Variants in CIT observed in about 807,000 individuals in gnomAD.
CIT encodes the protein citron Rho-interacting kinase.
Under a neutral mutation model 272.7 loss-of-function variants are expected in CIT, and 79 were observed. The observed-to-expected ratio is 0.29, with a 90% CI of 0.24 to 0.35. CIT has a LOEUF of 0.35. CIT is among the 10% of genes least tolerant of loss of function. CIT has a pLI of 1.00. For missense variants in CIT, 1,909 were observed against 2,618.3 expected, an observed-to-expected ratio of 0.73 and a Z score of 5.91; for synonymous variants, 948 against 995.6, an observed-to-expected ratio of 0.95 and a Z score of 0.90.
chr12:119,718,417 G>A lies in CIT; in HGVS notation c.4004-8C>T. On this transcript the variant is annotated splice_polypyrimidine_tract_variant and splice_region_variant and intron_variant, in intron 31 of 47. Coordinates refer to ENST00000392521, the MANE Select transcript of CIT (RefSeq NM_001206999.2). The surrounding 1 kb of genome is among the most constrained non-coding windows in gnomAD (Gnocchi z 4.8). ...TTGCTTTGCGGTGGGCAGCTGCAGA[G>A]AGACCAGGACAATGCCTTTTGGTTA... 1 of 1,608,992 alleles carries A rather than the reference G, an allele frequency of 6.2e-7. No homozygotes were observed. Among genetic ancestry groups the A allele is most frequent in the Non-Finnish European group, 8.5e-7 (1 of 1,177,430 alleles).
intron 7 of CIT, among the ~76,000 whole-genome samples, chr12:119,825,923 T>A (rs1397784849): frequency 1.3e-5 from 2 of 151,938 alleles, no homozygotes; most frequent in East Asian, 3.9e-4. Context: ...CAAAAATTAG[T>A]CAGGTGTGGT....
intron 10 of CIT, among the ~76,000 whole-genome samples, chr12:119,787,012 C>A (rs1287263890): frequency 2.0e-5 from 3 of 152,094 alleles, no homozygotes; most frequent in Non-Finnish European, 4.4e-5. Flanking sequence ...CTCCGATGCC[C>A]AGGCTGGAGT....
chr12:119,691,171 CAAAAAAA>C (rs35222584), intron 46 of CIT, among the ~76,000 whole-genome samples: 1 of 70,256 alleles, frequency 1.4e-5, no homozygotes, highest in African/African-American at 5.9e-5. Flanking sequence ...GACTCCGTCT[CAAAAAAA>C]AAAAAAAAAA....
intron 10 of CIT, among the ~76,000 whole-genome samples, chr12:119,796,005 G>T (rs1158671444): frequency 6.6e-6 from 1 of 152,184 alleles, no homozygotes; most frequent in African/African-American, 2.4e-5. Context: ...GACCTGCCAG[G>T]GGCAAGGCAC....
intron 13 of CIT, among the ~76,000 whole-genome samples, chr12:119,780,336 C>T (rs975109981): frequency 1.3e-5 from 2 of 151,902 alleles, no homozygotes; most frequent in African/African-American, 2.4e-5. Flanking sequence ...AATGAAGAGC[C>T]GGCCAGGTGC....
At position 119,712,119 on chromosome 12, in the gene CIT, C is replaced by T; in HGVS notation, c.4854+59G>A. 1 of 1,493,610 alleles carries T rather than the reference C, an allele frequency of 6.7e-7. No homozygotes were observed. Among genetic ancestry groups the T allele is most frequent in the Non-Finnish European group, 9.0e-7 (1 of 1,109,682 alleles). The allele number at this position is 1,493,610 out of a possible 1,614,324, so 92.5% of individuals were successfully genotyped here. ...CCAATGGGATTCTCGTCGTTAACAC[C>T]AGTTACCAAGTCAGCCCCCTTTACA... On this transcript the variant is annotated intron_variant, in intron 37 of 47. Transcript: ENST00000392521. The surrounding 1 kb of genome is among the most constrained non-coding windows in gnomAD (Gnocchi z 5.2).
Position 119,708,321 on chromosome 12 carries a change from G to T in CIT, c.5072-3C>A. On this transcript the variant is annotated splice_region_variant and splice_polypyrimidine_tract_variant and intron_variant, in intron 39 of 47. Coordinates refer to ENST00000392521, the MANE Select transcript of CIT (RefSeq NM_001206999.2). ...AAGACACAGTGCCCGCTCTTCTCCT[G>T]AACAGGAAAAGGAACAACCTCTCGT... The T allele has an allele frequency of 6.3e-7, 1 of 1,578,436 alleles. No individual in the cohort carries two copies. The highest frequency in any genetic ancestry group is 8.6e-7 in the Non-Finnish European group (1 of 1,161,778).
chr12:119,767,790 T>C (rs1004857558), intron 18 of CIT, among the ~76,000 whole-genome samples: 1 of 152,012 alleles, frequency 6.6e-6, no homozygotes, highest in Non-Finnish European at 1.5e-5. Flanking sequence ...GACAAACATA[T>C]AATACACTGA....
chr12:119,757,681 G>T, intron 21 of CIT, 136 bp from the exon 22 acceptor site: 1 of 1,122,338 alleles, frequency 8.9e-7, no homozygotes, highest in African/African-American at 1.6e-5. Flanking sequence ...TGGGTTAGCT[G>T]TCTCCTGATC....
intron 3 of CIT, among the ~76,000 whole-genome samples, chr12:119,861,910 A>G (rs1045104781): frequency 6.6e-6 from 1 of 152,242 alleles, no homozygotes; most frequent in Non-Finnish European, 1.5e-5. Context: ...CATTAGGCAC[A>G]TGTTAAACAG....
Position 119,772,839 on chromosome 12 carries a change from C to T in CIT, c.2013G>A (p.Arg671=). ...NIRQAKERAE[R]ELEKLQNRED... ...CTCGGTTCTGCAGCTTCTCCAGCTC[C>T]CTCTCGGCTCGCTCCTTTGCCTGGC... The change falls in exon 17 of 48, where the codon AGG becomes AGA. Residue 671 remains arginine (R), a synonymous_variant. Transcript: ENST00000392521. 1 of 1,614,130 alleles carries T rather than the reference C, an allele frequency of 6.2e-7. No individual in the cohort carries two copies. The highest frequency in any genetic ancestry group is 1.1e-5 in the South Asian group (1 of 91,080).
intron 10 of CIT, among the ~76,000 whole-genome samples, chr12:119,796,207 T>C (rs1219120620): frequency 3.3e-5 from 5 of 152,128 alleles, no homozygotes; most frequent in African/African-American, 1.2e-4. Flanking sequence ...ACTGGGATGC[T>C]GTTGAAGGTG....
chr12:119,709,828 G>A (rs1262732429), intron 39 of CIT, among the ~76,000 whole-genome samples: 2 of 132,340 alleles, frequency 1.5e-5, no homozygotes, highest in South Asian at 2.5e-4. Flanking sequence ...GTGTGTGTGT[G>A]TGTGTGTGTT....
chr12:119,766,876 TA>T (rs36109532), intron 19 of CIT, among the ~76,000 whole-genome samples: 423 of 138,290 alleles, frequency 3.1e-3, no homozygotes, highest in Middle Eastern at 3.7e-3. Context: ...TGACCACATT[TA>T]AAAAAAAAAA....
intron 32 of CIT, among the ~76,000 whole-genome samples, chr12:119,717,242 G>A (rs1182505667): frequency 3.3e-5 from 5 of 152,000 alleles, no homozygotes; most frequent in Non-Finnish European, 7.4e-5. Context: ...AGTAGAGACA[G>A]GGTTTCTCCA....
intron 7 of CIT, 103 bp from the exon 8 acceptor site, chr12:119,825,471 T>C: frequency 1.9e-6 from 2 of 1,063,720 alleles, no homozygotes; most frequent in Non-Finnish European, 2.8e-6. Flanking sequence ...CACTGATTAC[T>C]ATTCTCCCAG....
In CIT at chr12:119,697,618, C is replaced by T. The variant is rs770062461; in HGVS notation, c.5882+41G>A. The T allele has an allele frequency of 1.3e-6, 2 of 1,588,604 alleles. No individual in the cohort carries two copies. Among genetic ancestry groups the T allele is most frequent in the African/African-American group, 1.4e-5 (1 of 74,006 alleles). On this transcript the variant is annotated intron_variant, in intron 46 of 47. Coordinates refer to ENST00000392521, the MANE Select transcript of CIT (RefSeq NM_001206999.2). This position sits in a 1 kb window ranked among gnomAD's most constrained non-coding sequence, Gnocchi z 4.9. ...CACTTCCTTCTGCCTTGCAGAAAAG[C>T]ACGTTGCCCCTGGTACTGAGGAAGA...
chr12:119,818,539 G>A (rs1177294326), intron 9 of CIT, among the ~76,000 whole-genome samples: 1 of 152,190 alleles, frequency 6.6e-6, no homozygotes, highest in Non-Finnish European at 1.5e-5. Context: ...TTTGGAAGAA[G>A]ACTATCTCAG....
chr12:119,825,395 C>T (rs1453227569), intron 7 of CIT, 27 bp from the exon 8 acceptor site: 1 of 1,602,298 alleles, frequency 6.2e-7, no homozygotes, highest in Non-Finnish European at 8.5e-7. Flanking sequence ...AAAACGAATA[C>T]AGCAAACTTT....
Sources: gnomAD v4.1 joint callset for allele counts (sites outside exome capture counted in the v4.1 genomes callset) on GRCh38, gnomAD v4.1.1 for gene constraint, Gnocchi (gnomAD v3.1) non-coding constraint, MANE v1.5 for transcripts, NCBI Gene and HGNC (gene_info 2026-07-23, HGNC 2026-07-21) for gene names.